The following PRR5L variants were observed in gnomAD, a reference collection of about 807,000 sequenced individuals.
The protein encoded by PRR5L is proline-rich protein 5-like.
In PRR5L, 21 loss-of-function variants were observed where a neutral mutation model predicts 36.4. The ratio of observed to expected loss-of-function variants is 0.58; its 90% confidence interval spans 0.41 to 0.83. PRR5L has a LOEUF of 0.83. PRR5L is among the 40% of genes least tolerant of loss of function. PRR5L has a pLI of 0.00. For missense variants in PRR5L, 381 were observed against 473.3 expected (o/e 0.80, Z 1.81); for synonymous variants, 188 against 197.0 (o/e 0.95, Z 0.38).
Position 36,401,236 on chromosome 11 carries a change from C to G in PRR5L, c.115C>G (p.Gln39Glu), listed in dbSNP as rs535001252. 6.2e-7 allele frequency: 1 copy of G among 1,613,792 alleles called. No homozygotes were observed. Among genetic ancestry groups the G allele is most frequent in the South Asian group, 1.1e-5 (1 of 91,080 alleles). Reference protein sequence around the residue: ...SPVLSDLPRFQAARQALQLSS... With the variant: ...SPVLSDLPRFEAARQALQLSS... ...CGTGCTCAGCGACCTTCCCCGATTC[C>G]AAGCAGCTCGGCAGGCTCTGCAGCT... is the stretch of plus-strand genomic sequence containing the variant. The change falls in exon 2 of 9, where the codon CAA becomes GAA. Residue 39 changes from glutamine to glutamate, a missense_variant. By Grantham distance (29) the Gln-to-Glu change is conservative. Coordinates refer to ENST00000530639, the MANE Select transcript of PRR5L (RefSeq NM_001160167.2).
Position 36,380,952 on chromosome 11 carries a change from G to A in PRR5L, c.-125-20045G>A, listed in dbSNP as rs1273655287. ...AGAAATCCATCTGACCGTGGCCTAC[G>A]GGAAGACCTTGTAAACATCTACCCC... is the stretch of plus-strand genomic sequence containing the variant. On this transcript the variant is annotated intron_variant, in intron 1 of 8. Coordinates refer to ENST00000530639, the MANE Select transcript of PRR5L (RefSeq NM_001160167.2). 9.2e-5 allele frequency among the ~76,000 whole-genome samples: 14 copies of A among 152,132 alleles called. 1 individual carries two copies. In the South Asian group the frequency reaches 1.0e-3, roughly 11 times the overall value.
chr11:36,461,391 G>C (rs1859176246), intron 8 of PRR5L, among the ~76,000 whole-genome samples: 1 of 152,164 alleles, frequency 6.6e-6, no homozygotes, highest in South Asian at 2.1e-4. Flanking sequence ...GGGAGGCTGA[G>C]GCGGGTGGAT....
chr11:36,315,400 G>T (rs1372482784), intron 1 of PRR5L, among the ~76,000 whole-genome samples: 1 of 152,142 alleles, frequency 6.6e-6, no homozygotes, highest in African/African-American at 2.4e-5. Flanking sequence ...ATGTATTTTG[G>T]AAATCCTGAT....
chr11:36,391,821 G>A (rs1307454726), intron 1 of PRR5L, among the ~76,000 whole-genome samples: 1 of 152,114 alleles, frequency 6.6e-6, no homozygotes, highest in Admixed American at 6.6e-5. Flanking sequence ...TCCTTTCTTT[G>A]TGTTACAAAC....
intron 1 of PRR5L, among the ~76,000 whole-genome samples, chr11:36,394,177 T>G (rs1857612883): frequency 6.6e-6 from 1 of 152,224 alleles, no homozygotes; most frequent in Non-Finnish European, 1.5e-5. Context: ...AAGCCCTACT[T>G]GAGTCATCTC....
chr11:36,321,286 A>T (rs1856611440), intron 1 of PRR5L: 1 of 152,218 alleles, frequency 6.6e-6, no homozygotes, highest in South Asian at 2.1e-4. Context: ...CTGGTAATAT[A>T]GTCTCAACTC....
intron 1 of PRR5L, among the ~76,000 whole-genome samples, chr11:36,337,753 G>A (rs758039045): frequency 1.1e-4 from 17 of 152,176 alleles, no homozygotes; most frequent in Non-Finnish European, 2.2e-4. Context: ...AACTTCCAAT[G>A]GTTGCCTGCT....
At chr11:36,309,983 C>T (rs991787868) in intron 1 of PRR5L, among the ~76,000 whole-genome samples, 1 of 152,296 alleles carries the variant, frequency 6.6e-6, no homozygotes, top group Admixed American at 6.5e-5. Flanking sequence ...CACCATCATC[C>T]CCACTACGAC....
intron 1 of PRR5L, among the ~76,000 whole-genome samples, chr11:36,325,274 C>T (rs1856649388): frequency 6.6e-6 from 1 of 152,252 alleles, no homozygotes; most frequent in African/African-American, 2.4e-5. Context: ...CGATTTGGAG[C>T]AGCAATGGGC....
intron 8 of PRR5L, among the ~76,000 whole-genome samples, chr11:36,452,049 A>C (rs1858957021): frequency 6.6e-6 from 1 of 152,182 alleles, no homozygotes; most frequent in South Asian, 2.1e-4. Flanking sequence ...CTTTGTAGAA[A>C]TAGCTGTATG....
At position 36,350,944 on chromosome 11, in the gene PRR5L, A is replaced by ATTTATATATTTATATATT. The variant is rs1407155161; in HGVS notation, c.-125-50052_-125-50051insTTATATATTTATATATTT. 1.7e-3 allele frequency among the ~76,000 whole-genome samples: 99 copies of ATTTATATATTTATATATT among 57,132 alleles called. 11 individuals carry two copies. The highest frequency in any genetic ancestry group is 2.6e-3 in the South Asian group (6 of 2,282). The allele number at this position is 57,132 out of a possible 152,430, so 37.5% of individuals were successfully genotyped here. A position where few individuals can be genotyped will look rare whatever the true frequency, so the allele number is the denominator to read the frequency against. ...TTTATATATATTTATATATTTATAT[A>ATTTATATATTTATATATT]TATATATTTATATATATTTATATAT... is the stretch of plus-strand genomic sequence containing the variant. On this transcript the variant is annotated intron_variant, in intron 1 of 8. Transcript: ENST00000530639.
rs977666461 is a variant in PRR5L at position 36,430,421 on chromosome 11, A to G, written c.295-1432A>G. Among the ~76,000 whole-genome samples the G allele has an allele frequency of 2.0e-5, 3 of 152,188 alleles. No homozygotes were observed. The South Asian group carries it at 6.2e-4, about 32-fold the overall frequency. On this transcript the variant is annotated intron_variant, in intron 4 of 8. Transcript: ENST00000530639. Reference sequence around the variant, plus strand: ...ATCAAGACTCCATCTCAAAAGAAAGAACTACCTGATGACCAGTTACTTTTT... The same window carrying G: ...ATCAAGACTCCATCTCAAAAGAAAGGACTACCTGATGACCAGTTACTTTTT...
chr11:36,412,750 T>A (rs1322294943), intron 3 of PRR5L, among the ~76,000 whole-genome samples: 1 of 152,130 alleles, frequency 6.6e-6, no homozygotes, highest in Non-Finnish European at 1.5e-5. Flanking sequence ...TTTACTGTCA[T>A]CTTTTGGGTA....
At chr11:36,383,478 A>G (rs1041840673) in intron 1 of PRR5L, among the ~76,000 whole-genome samples, 4 of 152,186 alleles carry the variant, frequency 2.6e-5, no homozygotes, top group Non-Finnish European at 5.9e-5. Context: ...GAAGAAAACA[A>G]GATGATTTTC....
intron 1 of PRR5L, among the ~76,000 whole-genome samples, chr11:36,368,099 A>C (rs1857162885): frequency 6.6e-6 from 1 of 152,124 alleles, no homozygotes; most frequent in South Asian, 2.1e-4. Context: ...ATTGGAGAAC[A>C]AGGTCATCAG....
chr11:36,419,465 G>C lies in PRR5L; in HGVS notation c.294+162G>C, dbSNP rs533291237. Among the ~76,000 whole-genome samples, 14 of 152,302 alleles carry C rather than the reference G, an allele frequency of 9.2e-5. No individual in the cohort carries two copies. In the South Asian group the frequency reaches 2.5e-3, roughly 27 times the overall value. The stretch of plus-strand genomic sequence containing the variant: ...CACGTTGCAGAGGGGCACCACTCCT[G>C]TGTCTCCCAGCAGTTAATGGAGATC... On this transcript the variant is annotated intron_variant, in intron 4 of 8. Coordinates refer to ENST00000530639, the MANE Select transcript of PRR5L (RefSeq NM_001160167.2).
intron 4 of PRR5L, among the ~76,000 whole-genome samples, chr11:36,430,291 A>G (rs1411643624): frequency 6.6e-6 from 1 of 152,108 alleles, no homozygotes; most frequent in Non-Finnish European, 1.5e-5. Context: ...TGGTGCCTGT[A>G]ATCCCATCTA....
chr11:36,376,261 A>G, intron 1 of PRR5L: 1 of 1,205,520 alleles, frequency 8.3e-7, no homozygotes, highest in Non-Finnish European at 1.1e-6. Context: ...CATTGGAGAG[A>G]CACTAAAGCT....
At chr11:36,300,365 G>A (rs1220587944) in intron 1 of PRR5L, among the ~76,000 whole-genome samples, 1 of 152,022 alleles carries the variant, frequency 6.6e-6, no homozygotes, top group Non-Finnish European at 1.5e-5. Context: ...CAGCTTTCTT[G>A]TGAACTTACA....
Sources: allele counts gnomAD v4.1 joint callset (sites outside exome capture counted in the v4.1 genomes callset), GRCh38; gene constraint gnomAD v4.1.1; transcripts MANE v1.5; gene names NCBI Gene and HGNC (gene_info 2026-07-23, HGNC 2026-07-21).